Variants in SV2C observed in about 807,000 individuals in gnomAD.
The protein encoded by SV2C is solute carrier family 22 member B3.
SV2C carries 49 observed loss-of-function variants against 79.7 expected under a neutral mutation model. The ratio of observed to expected loss-of-function variants is 0.61; its 90% CI spans 0.49 to 0.78. The LOEUF (loss-of-function observed/expected upper bound fraction) is 0.78. SV2C is among the 30% of genes least tolerant of loss of function. SV2C has a pLI of 0.00. For synonymous variants in SV2C, 334 were observed against 333.2 expected (o/e 1.00, Z -0.03); for missense variants, 833 against 912.9 (o/e 0.91, Z 1.13).
At chr5:76,152,370 T>C (rs1396139400) in intron 2 of SV2C, among the ~76,000 whole-genome samples, 1 of 152,254 alleles carries the variant, frequency 6.6e-6, no homozygotes, top group Non-Finnish European at 1.5e-5. Flanking sequence ...ATTAGTCATC[T>C]TCTGCAAGGG....
At position 76,301,437 on chromosome 5, in the gene SV2C, C is replaced by T; in HGVS notation, c.1892C>T (p.Thr631Ile). Residue 631 changes from threonine (T) to isoleucine (I), a missense_variant, in exon 12 of 13, where the codon ACC (threonine) becomes ATC (isoleucine). Transcript: ENST00000502798. The part of the protein sequence containing the change: ...GISCFFLWFG[T>I]SESMMIGMLC... ...AGCTGTTTCTTCCTTTGGTTCGGCA[C>T]CAGTGAATCCATGATGATAGGCATG... 6.2e-7 allele frequency: 1 copy of T among 1,614,000 alleles called. No individual in the cohort carries two copies. Among genetic ancestry groups the T allele is most frequent in the Non-Finnish European group, 8.5e-7 (1 of 1,179,992 alleles).
chr5:75,929,068 G>C, the SV2C span, among the ~76,000 whole-genome samples: 1 of 151,782 alleles, frequency 6.6e-6, no homozygotes, highest in Non-Finnish European at 1.5e-5. Flanking sequence ...CTGCTTAGAG[G>C]CCTCCCCCAA....
At chr5:76,135,584 G>C (rs1288273380) in intron 2 of SV2C, among the ~76,000 whole-genome samples, 2 of 152,182 alleles carry the variant, frequency 1.3e-5, no homozygotes, top group East Asian at 3.9e-4. Flanking sequence ...AGAGTTATTG[G>C]CTGCTGCAGA....
chr5:76,041,319 C>T, the SV2C span, among the ~76,000 whole-genome samples: 3,397 of 152,254 alleles, frequency 0.022, 104 homozygotes, highest in African/African-American at 0.073. Context: ...CTCTTCTCAC[C>T]TTTGGCTTTA....
At chr5:75,871,641 C>T in the SV2C span, among the ~76,000 whole-genome samples, 2 of 151,714 alleles carry the variant, frequency 1.3e-5, no homozygotes, top group African/African-American at 2.4e-5. Flanking sequence ...AACGCCGTCT[C>T]TACTAAAAAT....
At chr5:75,972,612 C>A in the SV2C span, among the ~76,000 whole-genome samples, 522 of 152,180 alleles carry the variant, frequency 3.4e-3, 9 homozygotes, top group Non-Finnish European at 3.2e-3. Flanking sequence ...AAATGCAAAT[C>A]AAAACCACAA....
At chr5:76,183,512 C>A (rs959610552) in intron 2 of SV2C, among the ~76,000 whole-genome samples, 1 of 151,892 alleles carries the variant, frequency 6.6e-6, no homozygotes, top group Non-Finnish European at 1.5e-5. Flanking sequence ...ACCACCTCTA[C>A]CCTCCCCTTC....
chr5:75,896,039 T>A, the SV2C span, among the ~76,000 whole-genome samples: 1 of 152,004 alleles, frequency 6.6e-6, no homozygotes, highest in Admixed American at 6.6e-5. Flanking sequence ...AAATTGTCAG[T>A]AATTGGATAG....
intron 1 of SV2C, among the ~76,000 whole-genome samples, chr5:76,109,075 A>G (rs1748017001): frequency 6.6e-6 from 1 of 152,208 alleles, no homozygotes; most frequent in South Asian, 2.1e-4. Context: ...GGAGATTCAG[A>G]AGAAGAATTT....
rs1467985467 is a variant in SV2C, at chr5:76,333,489, C to A, written c.*7942C>A. The A allele has an allele frequency of 6.6e-6, 1 of 152,148 alleles. No homozygotes were observed. Among genetic ancestry groups the A allele is most frequent in the Non-Finnish European group, 1.5e-5 (1 of 68,020 alleles). The allele number at this position is 152,148 out of a possible 1,614,324, so 9.4% of individuals were successfully genotyped here. ...AATGAGATCTTGGCAATGGTCCTGT[C>A]GGTTTTGGTGTTTGGATTGTTTGGC... On this transcript the variant is annotated 3_prime_UTR_variant, in exon 13 of 13. Coordinates refer to ENST00000502798, the MANE Select transcript of SV2C (RefSeq NM_014979.4).
the SV2C span, among the ~76,000 whole-genome samples, chr5:75,869,124 G>T: frequency 1.3e-5 from 2 of 152,042 alleles, no homozygotes; most frequent in East Asian, 1.9e-4. Context: ...GGGCTCTTGG[G>T]GTCCCTGATT....
At chr5:76,006,954 A>G in the SV2C span, among the ~76,000 whole-genome samples, 2 of 152,122 alleles carry the variant, frequency 1.3e-5, no homozygotes, top group Non-Finnish European at 1.5e-5. Context: ...CAACATGTAC[A>G]TGTCACATGC....
At chr5:76,286,616 T>C (rs555271666) in intron 6 of SV2C, 41 of 151,862 alleles carry the variant, frequency 2.7e-4, no homozygotes, top group African/African-American at 9.2e-4. Flanking sequence ...AATCTCTGGG[T>C]TTCCTGATGT....
At chr5:76,052,838 T>C in the SV2C span, among the ~76,000 whole-genome samples, 2 of 152,018 alleles carry the variant, frequency 1.3e-5, no homozygotes, top group African/African-American at 4.8e-5. Flanking sequence ...TTCTGACTAC[T>C]ATAATAATGT....
chr5:76,021,832 A>T, the SV2C span, among the ~76,000 whole-genome samples: 1 of 152,180 alleles, frequency 6.6e-6, no homozygotes, highest in Admixed American at 6.6e-5. Context: ...AGTGCTTGGG[A>T]TATTGAGTCA....
the SV2C span, among the ~76,000 whole-genome samples, chr5:75,984,085 C>T: frequency 6.6e-6 from 1 of 152,048 alleles, no homozygotes; most frequent in Non-Finnish European, 1.5e-5. Context: ...AGAAGAGTGT[C>T]TGATCGAACC....
chr5:76,020,943 C>A, the SV2C span, among the ~76,000 whole-genome samples: 1 of 152,172 alleles, frequency 6.6e-6, no homozygotes, highest in Non-Finnish European at 1.5e-5. Context: ...CAAACAGGAA[C>A]ACTAACATTG....
the SV2C span, among the ~76,000 whole-genome samples, chr5:75,981,484 T>G: frequency 6.6e-6 from 1 of 151,976 alleles, no homozygotes; most frequent in Non-Finnish European, 1.5e-5. Flanking sequence ...ACAGCTACAG[T>G]AAACAAACAA....
chr5:76,046,387 G>A, the SV2C span, among the ~76,000 whole-genome samples: 2 of 152,168 alleles, frequency 1.3e-5, no homozygotes, highest in Non-Finnish European at 2.9e-5. Context: ...TTCCCAGAAC[G>A]CTTCATGGAA....
Sources: gnomAD v4.1 joint callset for allele counts (sites outside exome capture counted in the v4.1 genomes callset) on GRCh38, gnomAD v4.1.1 for gene constraint, MANE v1.5 for transcripts, NCBI Gene and HGNC (gene_info 2026-07-23, HGNC 2026-07-21) for gene names.